The following UBN2 variants were observed in gnomAD, a reference collection of about 807,000 sequenced individuals.
The protein encoded by UBN2 is ubinuclein-2.
Under a neutral mutation model 120.2 loss-of-function variants are expected in UBN2, and 35 were observed. That is an observed-to-expected ratio of 0.29 (90% confidence interval 0.22 to 0.39). UBN2 has a LOEUF of 0.39. Among genes scored for constraint, UBN2 ranks in the 10% least tolerant of loss-of-function variants. The pLI is 1.00. For synonymous variants in UBN2, 661 were observed against 648.7 expected (o/e 1.02, Z -0.29); for missense variants, 1,693 against 1,663.2 (o/e 1.02, Z -0.31).
chr7:139,316,764 T>C, the UBN2 span, among the ~76,000 whole-genome samples: 1 of 151,046 alleles, frequency 6.6e-6, no homozygotes, highest in African/African-American at 2.5e-5. Context: ...AAAAATTATG[T>C]ATGTGTGTGT....
chr7:139,234,148 C>T (rs890054277), intron 1 of UBN2, among the ~76,000 whole-genome samples: 4 of 151,850 alleles, frequency 2.6e-5, no homozygotes, highest in African/African-American at 7.3e-5. Flanking sequence ...AAGCAAAATG[C>T]GAACATTAGA....
At chr7:139,324,696 C>A in the UBN2 span, among the ~76,000 whole-genome samples, 3 of 151,944 alleles carry the variant, frequency 2.0e-5, no homozygotes, top group Admixed American at 6.6e-5. Flanking sequence ...TATGGCCGGG[C>A]GCGGTGGCTC....
intron 2 of UBN2, among the ~76,000 whole-genome samples, chr7:139,249,221 A>G (rs1324485904): frequency 6.6e-6 from 1 of 152,202 alleles, no homozygotes; most frequent in Non-Finnish European, 1.5e-5. Context: ...TTCGCACCAC[A>G]GTACCTTTCT....
intron 6 of UBN2, among the ~76,000 whole-genome samples, chr7:139,265,880 T>G (rs1797082783): frequency 1.3e-5 from 2 of 152,140 alleles, no homozygotes; most frequent in Non-Finnish European, 1.5e-5. Flanking sequence ...CCGGTGATAT[T>G]GACTTTGGAC....
At chr7:139,261,231 T>G in intron 5 of UBN2, 21 bp from the exon 6 acceptor site, 1 of 1,578,550 alleles carries the variant, frequency 6.3e-7, no homozygotes, top group Non-Finnish European at 8.6e-7. Flanking sequence ...ATAGCCTAAC[T>G]GATCATTTTT....
At chr7:139,265,235 C>T (rs1031974206) in intron 6 of UBN2, among the ~76,000 whole-genome samples, 1 of 152,126 alleles carries the variant, frequency 6.6e-6, no homozygotes, top group Non-Finnish European at 1.5e-5. Context: ...GTGGCCCACA[C>T]CTGTAATCCC....
rs1798373298 is a variant in UBN2, at chr7:139,307,221, A to G, written c.*9385A>G. On this transcript the variant is annotated 3_prime_UTR_variant, in exon 18 of 18. Coordinates refer to ENST00000473989, the MANE Select transcript of UBN2 (RefSeq NM_173569.4). ...GTCCTCTAGGTGAAAGACAAGAATT[A>G]CTGTATTGCATTTGCTTATAGGGAG... 6.6e-6 allele frequency: 1 copy of G among 152,244 alleles called. No individual in the cohort carries two copies. Among genetic ancestry groups the G allele is most frequent in the Non-Finnish European group, 1.5e-5 (1 of 68,034 alleles). The allele number at this position is 152,244 out of a possible 1,614,324, so 9.4% of individuals were successfully genotyped here. A position where few individuals can be genotyped will look rare whatever the true frequency, so the allele number is the denominator to read the frequency against.
intron 3 of UBN2, among the ~76,000 whole-genome samples, chr7:139,258,014 T>A (rs1189039048): frequency 6.6e-6 from 1 of 152,168 alleles, no homozygotes; most frequent in Non-Finnish European, 1.5e-5. Flanking sequence ...CCCCAGGTGA[T>A]CCACCCGCCT....
intron 9 of UBN2, among the ~76,000 whole-genome samples, chr7:139,273,078 A>G (rs944572329): frequency 1.2e-4 from 19 of 152,194 alleles, no homozygotes; most frequent in African/African-American, 4.3e-4. Flanking sequence ...TCTGACCTAA[A>G]AGGTGAATGT....
intron 12 of UBN2, chr7:139,276,521 C>T (rs1024040603): frequency 8.4e-6 from 2 of 237,260 alleles, no homozygotes; most frequent in Non-Finnish European, 1.7e-5. Context: ...ATATGCACAC[C>T]CACCCTCGCT....
At chr7:139,253,805 G>T (rs1796684167) in intron 3 of UBN2, among the ~76,000 whole-genome samples, 1 of 152,196 alleles carries the variant, frequency 6.6e-6, no homozygotes, top group South Asian at 2.1e-4. Context: ...CCTCTGCAAT[G>T]TGCAGTAATT....
downstream of UBN2, among the ~76,000 whole-genome samples, chr7:139,308,810 G>A (rs907662339): frequency 2.6e-5 from 4 of 152,180 alleles, no homozygotes; most frequent in African/African-American, 7.2e-5. Context: ...GGTGGCTCAC[G>A]CCTGTAATCC....
Position 139,273,342 on chromosome 7 carries a change from T to C in UBN2, c.1761T>C (p.Asp587=). The change falls in exon 10 of 18, where the codon GAT becomes GAC. Residue 587 remains aspartate, a synonymous_variant. Transcript: ENST00000473989. ...GAGAAAAAAATGGATCTGAAGAGGA[T>C]GATGATGAGAAACCAGGAAAACGTG... ...EEREKNGSEE[D]DDEKPGKRVI... The C allele has an allele frequency of 6.2e-7, 1 of 1,610,126 alleles. No individual in the cohort carries two copies. The highest frequency in any genetic ancestry group is 8.5e-7 in the Non-Finnish European group (1 of 1,177,888).
chr7:139,290,276 C>T (rs1224207001), intron 15 of UBN2, among the ~76,000 whole-genome samples: 1 of 151,988 alleles, frequency 6.6e-6, no homozygotes, highest in Non-Finnish European at 1.5e-5. Context: ...CTTTTCTTTC[C>T]CAGTTGCATT....
the UBN2 span, among the ~76,000 whole-genome samples, chr7:139,319,409 C>T: frequency 6.6e-6 from 1 of 152,132 alleles, no homozygotes; most frequent in African/African-American, 2.4e-5. Flanking sequence ...TGCCACCCCA[C>T]CGTGCCTGTC....
At chr7:139,246,851 A>G (rs181745711) in intron 2 of UBN2, among the ~76,000 whole-genome samples, 1 of 152,268 alleles carries the variant, frequency 6.6e-6, no homozygotes. Context: ...GACTTAGCAT[A>G]GTACTTTTGA....
In UBN2 at chr7:139,261,664, G is replaced by A; in HGVS notation, c.1318G>A (p.Val440Ile). ...CACCCAGCCAACCTACACTTCTCAG[G>A]TTATGCCCAAAGTGGTACCTACACT... ...TTTQPTYTSQ[V>I]MPKVVPTLPE... Residue 440 changes from valine (V) to isoleucine (I), a missense_variant, in exon 6 of 18, where the codon GTT (valine) becomes ATT (isoleucine). By Grantham distance (29) the Val-to-Ile change is conservative (BLOSUM62 3). This residue lies in a region of UBN2 where 663 missense variants were observed against 591.2 expected (regional missense o/e 1.12). Coordinates refer to ENST00000473989, the MANE Select transcript of UBN2 (RefSeq NM_173569.4). The A allele has an allele frequency of 1.2e-6, 2 of 1,614,166 alleles. No individual in the cohort carries two copies. The highest frequency in any genetic ancestry group is 1.7e-6 in the Non-Finnish European group (2 of 1,180,040).
Position 139,231,552 on chromosome 7 carries a change from CG to C in UBN2, c.72del (p.Glu26SerfsTer160). On this transcript the variant is annotated frameshift_variant, in exon 1 of 18. Transcript: ENST00000473989. LOFTEE classifies it high-confidence loss of function. ...SPVRRREAEY[P>X]GPEREPEYPR... The stretch of plus-strand genomic sequence containing the variant: ...GTGCGGCGGCGCGAGGCCGAGTACC[CG>C]GGGCCCGAGCGTGAGCCCGAGTACC... The C allele has an allele frequency of 7.0e-7, 1 of 1,419,044 alleles. No individual in the cohort carries two copies. 87.9% of individuals were successfully genotyped at this position (1,419,044 alleles called of 1,614,324 possible).
At chr7:139,316,799 T>C in the UBN2 span, among the ~76,000 whole-genome samples, 8 of 152,200 alleles carry the variant, frequency 5.3e-5, no homozygotes, top group African/African-American at 1.9e-4. Flanking sequence ...ATAATTTCAT[T>C]GCTTTTTTGT....
Sources: gnomAD v4.1 joint callset for allele counts (sites outside exome capture counted in the v4.1 genomes callset) on GRCh38, gnomAD v4.1.1 for gene constraint, gnomAD v4.1.1 regional missense constraint, MANE v1.5 for transcripts, NCBI Gene and HGNC (gene_info 2026-07-23, HGNC 2026-07-21) for gene names.